The following SREBF2 variants were observed in gnomAD, a reference collection of about 807,000 sequenced individuals.
The protein encoded by SREBF2 is sterol regulatory element binding transcription factor 2.
SREBF2 carries 55 observed loss-of-function variants against 113.1 expected under a neutral mutation model. The ratio of observed to expected loss-of-function variants is 0.49; its 90% CI spans 0.39 to 0.61. The LOEUF is 0.61. Ranked by LOEUF, SREBF2 falls within the 20% of genes least tolerant of loss-of-function variation. The pLI, the probability that SREBF2 is intolerant of heterozygous loss-of-function variation, is 0.00. For missense variants in SREBF2, 1,349 were observed against 1,487.4 expected (o/e 0.91, Z 1.53); for synonymous variants, 593 against 605.7 (o/e 0.98, Z 0.31).
chr22:41,839,264 G>A (rs896783761), intron 1 of SREBF2, among the ~76,000 whole-genome samples: 24 of 152,132 alleles, frequency 1.6e-4, no homozygotes, highest in African/African-American at 5.8e-4. Flanking sequence ...TGAAATTGGG[G>A]TGCCTGGGGG....
Position 41,866,801 on chromosome 22 carries a change from A to G in SREBF2, c.89-30A>G, listed in dbSNP as rs769434730. 5.0e-6 allele frequency: 8 copies of G among 1,613,072 alleles called. No individual in the cohort carries two copies. In the African/African-American group the frequency reaches 8.0e-5, roughly 16 times the overall value. ...TTGAAAGTTCACTTTTTGGATAGCA[A>G]TAAAATTACTCCTTTTCTTTTGTTC... On this transcript the variant is annotated intron_variant, in intron 1 of 18. Transcript: ENST00000361204.
At chr22:41,895,716 A>G (rs1052691439) in intron 13 of SREBF2, among the ~76,000 whole-genome samples, 11 of 151,666 alleles carry the variant, frequency 7.3e-5, no homozygotes, top group Non-Finnish European at 1.3e-4. Flanking sequence ...GATTACAGGC[A>G]TGAGCCACCA....
In SREBF2 at chr22:41,837,544, T is replaced by A. The variant is rs1176880942; in HGVS notation, c.88+4186T>A. 2.0e-3 allele frequency among the ~76,000 whole-genome samples: 195 copies of A among 96,110 alleles called. 3 individuals are homozygous for A. Among genetic ancestry groups the A allele is most frequent in the African/African-American group, 8.2e-3 (192 of 23,552 alleles). The allele number at this position is 96,110 out of a possible 152,430, so 63.1% of individuals were successfully genotyped here. A position where few individuals can be genotyped will look rare whatever the true frequency, so the allele number is the denominator to read the frequency against. ...CTGCACTCCAGCCTAGGCAACAGAA[T>A]GAGACTCTGTCTAAAAAAAAAAAAA... On this transcript the variant is annotated intron_variant, in intron 1 of 18. Transcript: ENST00000361204.
chr22:41,867,675 C>T (rs779358153), intron 2 of SREBF2, among the ~76,000 whole-genome samples: 7 of 152,064 alleles, frequency 4.6e-5, no homozygotes, highest in Non-Finnish European at 8.8e-5. Context: ...GGCATGGTGG[C>T]GGGCGCCTGT....
intron 1 of SREBF2, among the ~76,000 whole-genome samples, chr22:41,857,816 G>T (rs1202999141): frequency 1.3e-5 from 2 of 152,112 alleles, no homozygotes; most frequent in Non-Finnish European, 2.9e-5. Flanking sequence ...TTAGATAGCG[G>T]TTTGCCTGTT....
intron 12 of SREBF2, among the ~76,000 whole-genome samples, chr22:41,893,806 T>C (rs1409998490): frequency 6.6e-6 from 1 of 152,146 alleles, no homozygotes; most frequent in Non-Finnish European, 1.5e-5. Context: ...TGGCATTTGA[T>C]AGTGATTGGA....
Position 41,864,383 on chromosome 22 carries a change from C to T in SREBF2, c.89-2448C>T, listed in dbSNP as rs548094033. On this transcript the variant is annotated intron_variant, in intron 1 of 18. Transcript: ENST00000361204. ...TTGCCCAGGCTGGAGTGCAGTGGCA[C>T]GATCTCTGCTCACTGCAAGCTCTGC... is the stretch of plus-strand genomic sequence containing the variant. Among the ~76,000 whole-genome samples, 116 of 139,680 alleles carry T rather than the reference C, an allele frequency of 8.3e-4. 2 individuals are homozygous for T. Among genetic ancestry groups the T allele is most frequent in the Non-Finnish European group, 7.6e-4 (49 of 64,670 alleles). The allele number at this position is 139,680 out of a possible 152,430, so 91.6% of individuals were successfully genotyped here.
At chr22:41,896,833 G>A (rs1394683196) in intron 13 of SREBF2, among the ~76,000 whole-genome samples, 1 of 152,176 alleles carries the variant, frequency 6.6e-6, no homozygotes, top group Non-Finnish European at 1.5e-5. Flanking sequence ...AAGGCCCCCA[G>A]TAGAGGGAAG....
intron 10 of SREBF2, among the ~76,000 whole-genome samples, chr22:41,882,233 C>CAGT (rs959255577): frequency 2.6e-5 from 4 of 152,096 alleles, no homozygotes; most frequent in African/African-American, 9.7e-5. Context: ...TGGATGGGGA[C>CAGT]AGTAGTCAGC....
At chr22:41,894,681 G>A (rs987068053) in intron 12 of SREBF2, 139 bp from the exon 13 acceptor site, 11 of 799,244 alleles carry the variant, frequency 1.4e-5, no homozygotes, top group Middle Eastern at 4.6e-4. Flanking sequence ...GTTTAGCACA[G>A]TAGTTCTGGG....
chr22:41,863,259 T>G (rs1426064665), intron 1 of SREBF2, among the ~76,000 whole-genome samples: 1 of 152,224 alleles, frequency 6.6e-6, no homozygotes, highest in Non-Finnish European at 1.5e-5. Context: ...CACCACTGAT[T>G]AGGTGGGCCT....
chr22:41,846,944 T>C (rs1170189706), intron 1 of SREBF2, among the ~76,000 whole-genome samples: 1 of 152,212 alleles, frequency 6.6e-6, no homozygotes, highest in Non-Finnish European at 1.5e-5. Context: ...CGAATACTTT[T>C]CAGTCTTTGC....
Position 41,875,567 on chromosome 22 carries a change from GCAGT to G in SREBF2, c.1231_1234del (p.Ser411TrpfsTer8). ...GAGCTTCTAAAGGGCATCGACCTAG[GCAGT>G]CTGGTGGACAATGAGGTGGACCTGA... On this transcript the variant is annotated frameshift_variant, in exon 7 of 19. Coordinates refer to ENST00000361204, the MANE Select transcript of SREBF2 (RefSeq NM_004599.4). LOFTEE classifies it high-confidence loss of function. 2 of 1,614,202 alleles carry G rather than the reference GCAGT, an allele frequency of 1.2e-6. No individual in the cohort carries two copies. Among genetic ancestry groups the G allele is most frequent in the Non-Finnish European group, 1.7e-6 (2 of 1,180,056 alleles).
chr22:41,845,299 TG>T (rs1252458608), intron 1 of SREBF2, among the ~76,000 whole-genome samples: 3 of 152,134 alleles, frequency 2.0e-5, no homozygotes, highest in African/African-American at 7.2e-5. Context: ...TTAGATGATT[TG>T]CCAATGCTTC....
chr22:41,898,538 C>T, intron 14 of SREBF2, 111 bp from the exon 15 acceptor site: 1 of 1,474,036 alleles, frequency 6.8e-7, no homozygotes, highest in Non-Finnish European at 9.3e-7. Flanking sequence ...GGCCCGTTCC[C>T]AGCAGGCAAA....
chr22:41,905,310 T>C (rs943784802), intron 18 of SREBF2, 130 bp from the exon 19 acceptor site: 5 of 915,036 alleles, frequency 5.5e-6, no homozygotes, highest in African/African-American at 1.6e-5. Context: ...TTTCCGTGGA[T>C]TGGGTGGGGC....
At chr22:41,862,740 C>T (rs1441808176) in intron 1 of SREBF2, among the ~76,000 whole-genome samples, 2 of 152,194 alleles carry the variant, frequency 1.3e-5, no homozygotes, top group Non-Finnish European at 2.9e-5. Context: ...CAGATGGGGT[C>T]CTGGAGAGGC....
At chr22:41,835,435 C>T (rs371036766) in intron 1 of SREBF2, among the ~76,000 whole-genome samples, 10 of 151,510 alleles carry the variant, frequency 6.6e-5, no homozygotes, top group African/African-American at 2.2e-4. Context: ...CTCAGCCTCC[C>T]GAGTAGCTGG....
chr22:41,849,993 A>G (rs1177167018), intron 1 of SREBF2, among the ~76,000 whole-genome samples: 2 of 151,590 alleles, frequency 1.3e-5, no homozygotes, highest in African/African-American at 4.9e-5. Flanking sequence ...ACAAAAAATT[A>G]GCCGGGCGTA....
Sources: gnomAD v4.1 joint callset for allele counts (sites outside exome capture counted in the v4.1 genomes callset) on GRCh38, gnomAD v4.1.1 for gene constraint, MANE v1.5 for transcripts, NCBI Gene and HGNC (gene_info 2026-07-23, HGNC 2026-07-21) for gene names.